DST: variants seen among roughly 807,000 people sequenced by gnomAD.
DST encodes bullous pemphigoid antigen.
A neutral mutation model predicts 875.2 loss-of-function variants in DST; 253 were observed. The ratio of observed to expected loss-of-function variants is 0.29; its 90% CI spans 0.26 to 0.32. The LOEUF (loss-of-function observed/expected upper bound fraction) is 0.32, where lower values mean the gene tolerates loss of function less well. DST is among the 10% of genes least tolerant of loss of function. DST has a pLI of 1.00. For missense variants in DST, 8,287 were observed against 9,111.6 expected (o/e 0.91, Z 3.68); for synonymous variants, 3,124 against 3,197.1 (o/e 0.98, Z 0.77).
At chr6:56,464,161 G>A (rs1229730127) in intron 100 of DST, 1 of 358,456 alleles carries the variant, frequency 2.8e-6, no homozygotes, top group Non-Finnish European at 5.4e-6. Context: ...GGCAGGGACT[G>A]TGTCTTTTGC....
In DST at chr6:56,908,098, T is replaced by TATATATATATATACACACACAC. The variant is rs148958146; in HGVS notation, c.217-7478_217-7477insGTGTGTGTGTATATATATATAT. On this transcript the variant is annotated intron_variant, in intron 2 of 103. Transcript: ENST00000680361. ...AAAAAAGAAAATACATATATATATA[T>TATATATATATATACACACACAC]ACACACACACACACACACATATATA... Among the ~76,000 whole-genome samples, 75 of 150,612 alleles carry TATATATATATATACACACACAC rather than the reference T, an allele frequency of 5.0e-4. 1 individual carries two copies. Among genetic ancestry groups the TATATATATATATACACACACAC allele is most frequent in the African/African-American group, 1.8e-3 (75 of 40,934 alleles).
chr6:56,891,819 G>A (rs144476091), intron 3 of DST, among the ~76,000 whole-genome samples: 1,857 of 152,036 alleles, frequency 0.012, 35 homozygotes, highest in East Asian at 0.04. Context: ...GCAAGACTCC[G>A]TCTCAAAAAA....
intron 82 of DST, 131 bp downstream of exon 82, chr6:56,497,248 G>T: frequency 1.0e-6 from 1 of 1,004,918 alleles, no homozygotes; most frequent in Non-Finnish European, 1.4e-6. Context: ...TTTCTAACAT[G>T]TATACACAGT....
rs1582394759 is a variant in DST, at chr6:56,473,948, T to A, written c.21919A>T (p.Thr7307Ser). Residue 7307 changes from threonine (T) to serine (S), a missense_variant, in exon 93 of 104, where the codon ACC (threonine) becomes TCC (serine). Coordinates refer to ENST00000680361, the MANE Select transcript of DST (RefSeq NM_001374736.1). ...KQPDVDKVTK[T>S]YKRRAADPSS... ...GGATCAGCAGCTCTCCTCTTATAGGTCTTCGTTACTTTATCAACATCAGGC... is the reference window on the plus strand; with the variant it reads ...GGATCAGCAGCTCTCCTCTTATAGGACTTCGTTACTTTATCAACATCAGGC... The A allele has an allele frequency of 6.3e-7, 1 of 1,587,230 alleles. No individual in the cohort carries two copies. Among genetic ancestry groups the A allele is most frequent in the Non-Finnish European group, 8.6e-7 (1 of 1,164,504 alleles).
chr6:56,587,603 T>C (rs1163948171), intron 49 of DST, among the ~76,000 whole-genome samples: 1 of 151,786 alleles, frequency 6.6e-6, no homozygotes, highest in Non-Finnish European at 1.5e-5. Context: ...CCAAGACACA[T>C]AATTGTCAGA....
chr6:56,947,578 C>A (rs1329689102), intron 2 of DST, among the ~76,000 whole-genome samples: 2 of 152,186 alleles, frequency 1.3e-5, no homozygotes, highest in Admixed American at 6.5e-5. Context: ...ACAGCAGATG[C>A]CCTCCTAAAG....
chr6:56,601,651 G>A lies in DST; in HGVS notation c.11333C>T (p.Thr3778Ile), dbSNP rs758836314. ...LKNVLKDLGH[T>I]KMQLETTAFD... ...GGCAGTAGTCTCCAGCTGCATTTTGGTATGTCCAAGGTCTTTTAATACATT... is the reference window on the plus strand; with the variant it reads ...GGCAGTAGTCTCCAGCTGCATTTTGATATGTCCAAGGTCTTTTAATACATT... The change falls in exon 44 of 104, where the codon ACC becomes ATC. Residue 3778 changes from threonine to isoleucine, a missense_variant. Transcript: ENST00000680361. 2 of 1,587,204 alleles carry A rather than the reference G, an allele frequency of 1.3e-6. No homozygotes were observed. The highest frequency in any genetic ancestry group is 2.3e-5 in the South Asian group (2 of 87,466).
intron 3 of DST, among the ~76,000 whole-genome samples, chr6:56,852,244 A>G (rs1765636448): frequency 6.6e-6 from 1 of 152,232 alleles, no homozygotes; most frequent in Non-Finnish European, 1.5e-5. Context: ...TAAGACTGGG[A>G]GAACACAAAA....
At chr6:56,670,915 C>A in intron 9 of DST, 108 bp from the exon 10 acceptor site, 1 of 596,898 alleles carries the variant, frequency 1.7e-6, no homozygotes, top group Non-Finnish European at 2.7e-6. Flanking sequence ...AGGATAATAA[C>A]AATTCCCGCT....
intron 75 of DST, 27 bp downstream of exon 75, chr6:56,508,502 T>C (rs369630446): frequency 6.4e-7 from 1 of 1,566,886 alleles, no homozygotes; most frequent in South Asian, 1.1e-5. Flanking sequence ...CTTATTTTTC[T>C]AACTTTAAAT....
chr6:56,812,359 A>C (rs945751704), intron 4 of DST, among the ~76,000 whole-genome samples: 6 of 152,224 alleles, frequency 3.9e-5, no homozygotes, highest in Non-Finnish European at 5.9e-5. Context: ...GAAATGTCTT[A>C]ATCAGGTCAT....
chr6:56,954,479 A>T lies in DST; in HGVS notation c.109T>A (p.Cys37Ser). ...CCTTTCTGGAGCTTGCGGTGCCAGC[A>T]GCAGAAGAAGACGATGGTGGCGATG... ...GTIATIVFFC[C>S]WHRKLQKGRH... is the part of the protein sequence containing the mutation. Residue 37 changes from cysteine to serine, a missense_variant, in exon 1 of 104, where the codon TGC becomes AGC. Cys to Ser is a moderately radical substitution (Grantham distance 112). Transcript: ENST00000680361. 1 of 1,367,574 alleles carries T rather than the reference A, an allele frequency of 7.3e-7. No homozygotes were observed. The highest frequency in any genetic ancestry group is 2.1e-4 in the Middle Eastern group (1 of 4,768). 84.7% of individuals were successfully genotyped at this position (1,367,574 alleles called of 1,614,324 possible). A position where few individuals can be genotyped will look rare whatever the true frequency, so the allele number is the denominator to read the frequency against.
At chr6:56,946,003 C>G (rs757285841) in intron 2 of DST, among the ~76,000 whole-genome samples, 1 of 151,984 alleles carries the variant, frequency 6.6e-6, no homozygotes, top group Non-Finnish European at 1.5e-5. Context: ...TGTGAATATA[C>G]CAAAAACCAC....
At chr6:56,560,072 A>C (rs932643320) in intron 58 of DST, among the ~76,000 whole-genome samples, 3 of 152,158 alleles carry the variant, frequency 2.0e-5, no homozygotes, top group African/African-American at 7.2e-5. Flanking sequence ...CTTCTTCATA[A>C]AAATAGATTT....
intron 60 of DST, among the ~76,000 whole-genome samples, chr6:56,554,788 C>G (rs1257083135): frequency 6.6e-6 from 1 of 152,156 alleles, no homozygotes; most frequent in African/African-American, 2.4e-5. Context: ...ACAAACTTAA[C>G]AACAAAATGT....
At chr6:56,619,860 G>C in intron 36 of DST, 1 of 1,614,012 alleles carries the variant, frequency 6.2e-7, no homozygotes, top group Non-Finnish European at 8.5e-7. Context: ...TCAAGCTGGA[G>C]GGCATTAAGT....
At chr6:56,766,643 G>A (rs551208352) in intron 4 of DST, among the ~76,000 whole-genome samples, 21 of 151,336 alleles carry the variant, frequency 1.4e-4, no homozygotes, top group East Asian at 5.9e-4. Flanking sequence ...CAATTCTCCC[G>A]CTTCAGCTTC....
At chr6:56,846,200 T>C (rs951024915) in intron 4 of DST, among the ~76,000 whole-genome samples, 1 of 152,206 alleles carries the variant, frequency 6.6e-6, no homozygotes, top group African/African-American at 2.4e-5. Context: ...TATAAAGCAT[T>C]TGATGTGCCA....
rs1388165620 is a variant in DST, at chr6:56,557,434, T to A, written c.14525A>T (p.Gln4842Leu). The change falls in exon 59 of 104, where the codon CAG becomes CTG. Residue 4842 changes from glutamine to leucine, a missense_variant. Transcript: ENST00000680361. ...CTGTTTCAATTGGGCCTCTACAGTC[T>A]GGAACTGGGTTAGATTATTGGAGGA... ...EESSNNLTQFQTVEAQLKQWL... is the reference protein window; with the variant it reads ...EESSNNLTQFLTVEAQLKQWL... 2.5e-6 allele frequency: 4 copies of A among 1,613,652 alleles called. No homozygotes were observed. Among genetic ancestry groups the A allele is most frequent in the Non-Finnish European group, 2.5e-6 (3 of 1,179,718 alleles).
Sources: gnomAD v4.1 joint callset for allele counts (sites outside exome capture counted in the v4.1 genomes callset) on GRCh38, gnomAD v4.1.1 for gene constraint, MANE v1.5 for transcripts, NCBI Gene and HGNC (gene_info 2026-07-23, HGNC 2026-07-21) for gene names.